RNF130: variants seen among roughly 807,000 people sequenced by gnomAD.
The protein encoded by RNF130 is E3 ubiquitin-protein ligase RNF130.
Under a neutral mutation model 44.6 loss-of-function variants are expected in RNF130, and 21 were observed. That is an observed-to-expected ratio of 0.47 (90% CI 0.33 to 0.68). The LOEUF is 0.68. RNF130 is among the 30% of genes least tolerant of loss of function. The pLI is 0.02. For missense variants in RNF130, 479 were observed against 560.6 expected (o/e 0.85, Z 1.47); for synonymous variants, 214 against 210.4 (o/e 1.02, Z -0.15).
intron 1 of RNF130, among the ~76,000 whole-genome samples, chr5:180,062,043 CT>C (rs1561713167): frequency 6.6e-6 from 1 of 151,384 alleles, no homozygotes; most frequent in Non-Finnish European, 1.5e-5. Flanking sequence ...ATGCTTCCCC[CT>C]CCCCCAGCCT....
intron 2 of RNF130, among the ~76,000 whole-genome samples, chr5:180,019,316 G>A (rs1349626323): frequency 2.6e-5 from 4 of 151,844 alleles, no homozygotes; most frequent in South Asian, 2.1e-4. Flanking sequence ...CCCGGGAGGC[G>A]GAGCTTGCAG....
chr5:180,058,637 C>T (rs1390834760), intron 1 of RNF130, among the ~76,000 whole-genome samples: 5 of 150,196 alleles, frequency 3.3e-5, no homozygotes, highest in Admixed American at 1.3e-4. Flanking sequence ...CTCACTACAA[C>T]CTCTGCCTCC....
intron 1 of RNF130, among the ~76,000 whole-genome samples, chr5:180,067,769 T>G (rs1478527413): frequency 6.6e-6 from 1 of 152,218 alleles, no homozygotes; most frequent in Non-Finnish European, 1.5e-5. Flanking sequence ...CTCTGAATAT[T>G]TTGAAATCTG....
intron 7 of RNF130, among the ~76,000 whole-genome samples, chr5:179,948,228 T>TTA (rs1283228609): frequency 1.3e-5 from 2 of 152,196 alleles, no homozygotes; most frequent in Non-Finnish European, 2.9e-5. Flanking sequence ...ATTAAAATGG[T>TTA]TATACATGTG....
At chr5:179,985,701 G>A (rs1306044748) in intron 3 of RNF130, among the ~76,000 whole-genome samples, 1 of 152,120 alleles carries the variant, frequency 6.6e-6, no homozygotes, top group Non-Finnish European at 1.5e-5. Flanking sequence ...TTCCCTTCCA[G>A]GCTGGTGTTT....
chr5:179,979,581 A>G (rs1762786229), intron 4 of RNF130, among the ~76,000 whole-genome samples: 1 of 152,052 alleles, frequency 6.6e-6, no homozygotes, highest in Non-Finnish European at 1.5e-5. Context: ...GTGTCCTTCT[A>G]GCGGAGAAGC....
At chr5:180,060,404 C>G (rs1764944865) in intron 1 of RNF130, among the ~76,000 whole-genome samples, 1 of 152,262 alleles carries the variant, frequency 6.6e-6, no homozygotes, top group Non-Finnish European at 1.5e-5. Context: ...TTTTTTCCAG[C>G]AAAGCATCTG....
intron 2 of RNF130, among the ~76,000 whole-genome samples, chr5:180,023,890 CT>C (rs1763930018): frequency 6.6e-6 from 1 of 152,208 alleles, no homozygotes; most frequent in South Asian, 2.1e-4. Context: ...AAAGAGTTAA[CT>C]TCACAGTGGA....
intron 7 of RNF130, among the ~76,000 whole-genome samples, chr5:179,949,059 G>A (rs1022838500): frequency 2.0e-5 from 3 of 148,718 alleles, no homozygotes; most frequent in South Asian, 2.1e-4. Context: ...TCTGCCTCCC[G>A]GGTTCAAGGG....
intron 7 of RNF130, among the ~76,000 whole-genome samples, chr5:179,930,303 G>A (rs1362993420): frequency 5.9e-5 from 9 of 152,118 alleles, no homozygotes; most frequent in East Asian, 3.8e-4. Flanking sequence ...TGATCTGCCC[G>A]CCTTGGCCTC....
chr5:180,049,789 T>C (rs1238604999), intron 1 of RNF130, among the ~76,000 whole-genome samples: 1 of 152,214 alleles, frequency 6.6e-6, no homozygotes, highest in African/African-American at 2.4e-5. Context: ...TCTTATTTAT[T>C]CTACTTTTCT....
In RNF130 at chr5:179,996,379, G is replaced by A. The variant is rs150889714; in HGVS notation, c.694-16179C>T. 7.8e-3 allele frequency among the ~76,000 whole-genome samples: 1,192 copies of A among 152,302 alleles called. 9 individuals are homozygous for A. The highest frequency in any genetic ancestry group is 0.012 in the Non-Finnish European group (793 of 68,022). On this transcript the variant is annotated intron_variant, in intron 3 of 8. Transcript: ENST00000521389. Reference sequence around the variant, plus strand: ...CATGTTAAATAGAAGTGGTGAAAGTGGGCATCCTGTGTTTTTCCACATCTT... The same window carrying A: ...CATGTTAAATAGAAGTGGTGAAAGTAGGCATCCTGTGTTTTTCCACATCTT...
chr5:179,946,785 A>T (rs1762049307), intron 7 of RNF130, among the ~76,000 whole-genome samples: 1 of 152,004 alleles, frequency 6.6e-6, no homozygotes, highest in Non-Finnish European at 1.5e-5. Context: ...CGATCTCCTG[A>T]CCTCGTGATC....
chr5:179,967,095 C>T (rs1762468894), intron 6 of RNF130, 85 bp from the exon 7 acceptor site: 19 of 1,296,440 alleles, frequency 1.5e-5, no homozygotes, highest in Middle Eastern at 3.8e-4. Flanking sequence ...AACTTTGACG[C>T]CCTGTTGCAA....
chr5:180,046,537 C>G (rs1764571820), intron 1 of RNF130, among the ~76,000 whole-genome samples: 1 of 152,204 alleles, frequency 6.6e-6, no homozygotes, highest in Non-Finnish European at 1.5e-5. Context: ...AATTGTCAGT[C>G]TGCTGCAGGG....
At chr5:179,970,358 A>G in intron 6 of RNF130, 52 bp downstream of exon 6, 2 of 1,335,214 alleles carry the variant, frequency 1.5e-6, no homozygotes, top group South Asian at 2.5e-5. Flanking sequence ...ATTGTATTAC[A>G]CATACATATA....
At chr5:180,055,170 C>T (rs1420956871) in intron 1 of RNF130, among the ~76,000 whole-genome samples, 1 of 135,494 alleles carries the variant, frequency 7.4e-6, no homozygotes, top group African/African-American at 2.8e-5. Flanking sequence ...CCCATCTCTA[C>T]TAAAAATACA....
chr5:179,959,174 A>G (rs1384846687), intron 8 of RNF130, among the ~76,000 whole-genome samples: 1 of 152,158 alleles, frequency 6.6e-6, no homozygotes, highest in Non-Finnish European at 1.5e-5. Flanking sequence ...AATAAACAGT[A>G]GTTATTCTCA....
chr5:179,969,915 T>C (rs1046908628), intron 6 of RNF130, among the ~76,000 whole-genome samples: 1 of 152,046 alleles, frequency 6.6e-6, no homozygotes, highest in Non-Finnish European at 1.5e-5. Flanking sequence ...CGCTTGAACC[T>C]GGGAGGCGGA....
Sources: allele counts gnomAD v4.1 joint callset (sites outside exome capture counted in the v4.1 genomes callset), GRCh38; gene constraint gnomAD v4.1.1; transcripts MANE v1.5; gene names NCBI Gene and HGNC (gene_info 2026-07-23, HGNC 2026-07-21).